CCDC148: variants seen among roughly 807,000 people sequenced by gnomAD.
The protein encoded by CCDC148 is coiled-coil domain containing 148.
Under a neutral mutation model 85.7 loss-of-function variants are expected in CCDC148, and 89 were observed. The ratio of observed to expected loss-of-function variants is 1.04; its 90% CI spans 0.87 to 1.24. CCDC148 has a LOEUF of 1.24. Among genes scored for constraint, CCDC148 ranks in the 50% most tolerant of loss-of-function variants. The probability of loss-of-function intolerance (pLI) is 0.00; values close to 1 mark genes in which losing one functional copy is unlikely to be tolerated. For missense variants in CCDC148, 692 were observed against 671.7 expected, an observed-to-expected ratio of 1.03 and a Z score of -0.33; for synonymous variants, 230 against 213.9, an observed-to-expected ratio of 1.08 and a Z score of -0.66.
intron 9 of CCDC148, among the ~76,000 whole-genome samples, chr2:158,302,421 T>C (rs1286720201): frequency 6.6e-6 from 1 of 151,934 alleles, no homozygotes; most frequent in African/African-American, 2.4e-5. Context: ...GCATTCAGCA[T>C]CCAGATGAAG....
intron 1 of CCDC148, among the ~76,000 whole-genome samples, chr2:158,435,612 A>G (rs1428183837): frequency 6.6e-6 from 1 of 152,232 alleles, no homozygotes; most frequent in Non-Finnish European, 1.5e-5. Flanking sequence ...GACAGGATCA[A>G]ATTCAAACAA....
intron 1 of CCDC148, among the ~76,000 whole-genome samples, chr2:158,442,374 G>A (rs886697675): frequency 3.9e-5 from 6 of 152,112 alleles, no homozygotes; most frequent in African/African-American, 1.4e-4. Flanking sequence ...CAATTCTTGG[G>A]CTTTTTTCTA....
chr2:158,405,810 C>T (rs1685973880), intron 1 of CCDC148, among the ~76,000 whole-genome samples: 1 of 152,014 alleles, frequency 6.6e-6, no homozygotes, highest in Non-Finnish European at 1.5e-5. Flanking sequence ...TTGGATAGTA[C>T]ATTCATTGAA....
intron 1 of CCDC148, among the ~76,000 whole-genome samples, chr2:158,433,091 A>AAAAAAAAAAAAAAAAAAT (rs1553521585): frequency 1.9e-5 from 1 of 51,314 alleles, no homozygotes; most frequent in African/African-American, 5.5e-5. Flanking sequence ...AAAAAAAAAA[A>AAAAAAAAAAAAAAAAAAT]ATATATATAT....
chr2:158,355,977 G>A (rs1014530054), intron 2 of CCDC148, among the ~76,000 whole-genome samples: 1 of 135,256 alleles, frequency 7.4e-6, no homozygotes. Context: ...CAAGCAATGG[G>A]GAAAGGATTC....
At chr2:158,380,072 C>T (rs1167946612) in intron 1 of CCDC148, among the ~76,000 whole-genome samples, 2 of 152,086 alleles carry the variant, frequency 1.3e-5, no homozygotes, top group Non-Finnish European at 2.9e-5. Context: ...AGGTGTGTAC[C>T]ACTGCAGCCA....
chr2:158,432,342 A>AT (rs542131534), intron 1 of CCDC148, among the ~76,000 whole-genome samples: 69 of 152,286 alleles, frequency 4.5e-4, no homozygotes, highest in African/African-American at 1.6e-3. Flanking sequence ...GTCAAACATG[A>AT]TAAAAACAAG....
chr2:158,316,440 AAGCATG>A (rs1692286266), intron 7 of CCDC148, among the ~76,000 whole-genome samples: 1 of 152,182 alleles, frequency 6.6e-6, no homozygotes, highest in Non-Finnish European at 1.5e-5. Flanking sequence ...ATTTCAAAGC[AAGCATG>A]CCATGAACTG....
At chr2:158,190,760 A>G (rs1685386626) in intron 11 of CCDC148, among the ~76,000 whole-genome samples, 1 of 152,020 alleles carries the variant, frequency 6.6e-6, no homozygotes, top group Non-Finnish European at 1.5e-5. Flanking sequence ...TTAAATTCTT[A>G]TGCTAATTTT....
At chr2:158,381,528 T>G (rs1684868399) in intron 1 of CCDC148, among the ~76,000 whole-genome samples, 1 of 152,168 alleles carries the variant, frequency 6.6e-6, no homozygotes, top group Non-Finnish European at 1.5e-5. Context: ...GAGTGTAAAC[T>G]GGAACAACTT....
intron 9 of CCDC148, among the ~76,000 whole-genome samples, chr2:158,262,676 C>A (rs928010443): frequency 3.3e-5 from 5 of 151,816 alleles, no homozygotes; most frequent in African/African-American, 4.8e-5. Flanking sequence ...CAGGAGAGAG[C>A]AAGGGGGGAC....
At chr2:158,354,556 G>T (rs999549822) in intron 2 of CCDC148, among the ~76,000 whole-genome samples, 22 of 152,214 alleles carry the variant, frequency 1.4e-4, no homozygotes, top group Admixed American at 3.3e-4. Flanking sequence ...AATAGACCAA[G>T]AACAGGATCT....
intron 9 of CCDC148, among the ~76,000 whole-genome samples, chr2:158,289,838 A>C (rs941083910): frequency 3.3e-5 from 5 of 152,252 alleles, no homozygotes; most frequent in Admixed American, 1.3e-4. Context: ...ACGGATCAAT[A>C]AATTGTGGTA....
At chr2:158,389,583 A>T (rs773950465) in intron 1 of CCDC148, among the ~76,000 whole-genome samples, 2 of 152,178 alleles carry the variant, frequency 1.3e-5, no homozygotes, top group African/African-American at 4.8e-5. Flanking sequence ...ATCTTTCTTC[A>T]TTTTAAAATC....
chr2:158,214,371 AAAATG>A, intron 11 of CCDC148, among the ~76,000 whole-genome samples: 1 of 152,346 alleles, frequency 6.6e-6, no homozygotes, highest in Admixed American at 6.5e-5. Context: ...TGCAACATAA[AAAATG>A]AAATGAAAAC....
At chr2:158,177,459 G>A (rs1300727593) in intron 12 of CCDC148, among the ~76,000 whole-genome samples, 1 of 152,074 alleles carries the variant, frequency 6.6e-6, no homozygotes, top group Admixed American at 6.6e-5. Flanking sequence ...TTTTAGGTTT[G>A]CTAGCTAAAA....
intron 1 of CCDC148, among the ~76,000 whole-genome samples, chr2:158,374,971 T>C (rs1247524842): frequency 6.6e-6 from 1 of 151,160 alleles, no homozygotes; most frequent in Admixed American, 6.6e-5. Context: ...CTATATTTTA[T>C]TTGTATTTTT....
At chr2:158,303,034 C>G (rs919639473) in intron 9 of CCDC148, among the ~76,000 whole-genome samples, 1 of 151,910 alleles carries the variant, frequency 6.6e-6, no homozygotes, top group African/African-American at 2.4e-5. Context: ...ATGACAGAAA[C>G]CAAAATAAAA....
chr2:158,241,514 G>T (rs1183635947), intron 10 of CCDC148, among the ~76,000 whole-genome samples: 5 of 152,052 alleles, frequency 3.3e-5, no homozygotes, highest in Admixed American at 6.6e-5. Flanking sequence ...TCTTATAATT[G>T]CATGAGGTAT....
Sources: gnomAD v4.1 joint callset for allele counts (sites outside exome capture counted in the v4.1 genomes callset) on GRCh38, gnomAD v4.1.1 for gene constraint, MANE v1.5 for transcripts, NCBI Gene and HGNC (gene_info 2026-07-23, HGNC 2026-07-21) for gene names.